The following AMOTL1 variants were observed in gnomAD, a reference collection of about 807,000 sequenced individuals.
AMOTL1 encodes the protein angiomotin-like protein 1.
A neutral mutation model predicts 102.9 loss-of-function variants in AMOTL1; 45 were observed. The observed-to-expected ratio is 0.44, with a 90% confidence interval of 0.34 to 0.56. The LOEUF (loss-of-function observed/expected upper bound fraction) is 0.56, where lower values mean the gene tolerates loss of function less well. AMOTL1 is among the 20% of genes least tolerant of loss of function. The pLI is 0.01. For synonymous variants in AMOTL1, 481 were observed against 484.7 expected (o/e 0.99, Z 0.10); for missense variants, 1,114 against 1,225.6 (o/e 0.91, Z 1.36).
intron 1 of AMOTL1, among the ~76,000 whole-genome samples, chr11:94,783,760 T>C (rs1180721313): frequency 6.6e-6 from 1 of 152,240 alleles, no homozygotes; most frequent in Non-Finnish European, 1.5e-5. Flanking sequence ...GACTTTCAGA[T>C]TTGGGTCTTA....
intron 1 of AMOTL1, among the ~76,000 whole-genome samples, chr11:94,794,137 T>G (rs1166977069): frequency 6.6e-6 from 1 of 152,260 alleles, no homozygotes; most frequent in Non-Finnish European, 1.5e-5. Context: ...AATGGAATTT[T>G]CTTTTGAGCA....
At chr11:94,740,931 C>T (rs1462627731) in intron 2 of AMOTL1, 2 of 1,288,900 alleles carry the variant, frequency 1.6e-6, no homozygotes, top group African/African-American at 3.0e-5. Context: ...CTTTTCTTCT[C>T]CCCCAGACAG....
At chr11:94,753,305 GCTTTT>G (rs1950679865) in intron 3 of AMOTL1, among the ~76,000 whole-genome samples, 1 of 137,466 alleles carries the variant, frequency 7.3e-6, no homozygotes. Context: ...CTGCTTTCCT[GCTTTT>G]TTTTTTTTTT....
intron 9 of AMOTL1, 86 bp downstream of exon 9, chr11:94,859,801 G>A (rs1952739478): frequency 5.0e-6 from 7 of 1,400,046 alleles, no homozygotes; most frequent in Non-Finnish European, 6.6e-6. Context: ...GAGGTCCAAG[G>A]CCCATCCTAG....
upstream of AMOTL1, among the ~76,000 whole-genome samples, chr11:94,763,743 T>A (rs569538348): frequency 6.6e-6 from 1 of 152,196 alleles, no homozygotes; most frequent in South Asian, 2.1e-4. Context: ...TTCATCCTTG[T>A]CATCTTCACA....
At chr11:94,741,084 G>T in intron 3 of AMOTL1, 1 of 1,058,958 alleles carries the variant, frequency 9.4e-7, no homozygotes, top group South Asian at 1.3e-5. Flanking sequence ...CTAGGGATGG[G>T]GCTGGGGTTG....
chr11:94,785,147 A>T (rs898535167), intron 1 of AMOTL1, among the ~76,000 whole-genome samples: 1 of 152,338 alleles, frequency 6.6e-6, no homozygotes, highest in African/African-American at 2.4e-5. Context: ...TCTGCCTCAT[A>T]CATGGAGAGA....
At chr11:94,746,073 G>T (rs532498162) in intron 3 of AMOTL1, among the ~76,000 whole-genome samples, 38 of 152,046 alleles carry the variant, frequency 2.5e-4, no homozygotes, top group Non-Finnish European at 3.7e-4. Context: ...AATAACTATT[G>T]GCTCCTTGGG....
intron 3 of AMOTL1, among the ~76,000 whole-genome samples, chr11:94,814,516 G>T (rs1276220947): frequency 2.6e-5 from 4 of 152,200 alleles, no homozygotes; most frequent in Admixed American, 6.5e-5. Context: ...GTGTAAACGA[G>T]GGAGAAGGAG....
At chr11:94,869,145 A>G in intron 11 of AMOTL1, 53 bp from the exon 12 acceptor site, 1 of 240,744 alleles carries the variant, frequency 4.2e-6, no homozygotes. Context: ...GACTAGATTT[A>G]AAAAAAAAAA....
intron 6 of AMOTL1, among the ~76,000 whole-genome samples, chr11:94,836,807 T>C (rs901337829): frequency 1.3e-5 from 2 of 151,992 alleles, no homozygotes; most frequent in Admixed American, 6.6e-5. Flanking sequence ...AATAGGAGTC[T>C]TTCATTATTA....
chr11:94,743,282 G>A (rs1459031031), intron 3 of AMOTL1, among the ~76,000 whole-genome samples: 1 of 152,232 alleles, frequency 6.6e-6, no homozygotes, highest in African/African-American at 2.4e-5. Context: ...GTGAGGGGCT[G>A]TAAGCCAAAG....
chr11:94,778,874 C>T (rs983059431), intron 1 of AMOTL1, among the ~76,000 whole-genome samples: 2 of 152,172 alleles, frequency 1.3e-5, no homozygotes, highest in African/African-American at 4.8e-5. Context: ...CATGGCTTGG[C>T]TTCCTTATAG....
intron 6 of AMOTL1, among the ~76,000 whole-genome samples, chr11:94,844,206 C>T (rs138414595): frequency 1.2e-4 from 19 of 152,346 alleles, no homozygotes; most frequent in Non-Finnish European, 2.5e-4. Context: ...AGAGAGATAC[C>T]TGACTCTCCA....
intron 3 of AMOTL1, among the ~76,000 whole-genome samples, chr11:94,817,365 T>A (rs1352220814): frequency 6.6e-6 from 1 of 152,194 alleles, no homozygotes; most frequent in Non-Finnish European, 1.5e-5. Flanking sequence ...TCAGTCCTCA[T>A]TAATCTTTTG....
chr11:94,745,064 CT>C (rs536329474), intron 3 of AMOTL1, among the ~76,000 whole-genome samples: 18 of 149,216 alleles, frequency 1.2e-4, no homozygotes, highest in East Asian at 3.9e-4. Context: ...TGCTAACAAA[CT>C]TTTTTTTTTA....
chr11:94,820,707 C>A (rs950078223), intron 3 of AMOTL1, among the ~76,000 whole-genome samples: 5 of 152,122 alleles, frequency 3.3e-5, no homozygotes, highest in African/African-American at 1.2e-4. Flanking sequence ...TCAGTAGGAG[C>A]CCTGAGCTTG....
Position 94,799,901 on chromosome 11 carries a change from C to G in AMOTL1, c.711C>G (p.Asn237Lys), listed in dbSNP as rs1183553651. The change falls in exon 3 of 13, where the codon AAC becomes AAG. Residue 237 changes from asparagine (N) to lysine (K), a missense_variant. Physicochemically the swap from Asn to Lys is moderately conservative, Grantham distance 94 (BLOSUM62 0). Coordinates refer to ENST00000433060, the MANE Select transcript of AMOTL1 (RefSeq NM_130847.3). The surrounding 1 kb of genome is among the most constrained non-coding windows in gnomAD (Gnocchi z 4.5). ...GAACTGAGGGGAGGCCCACTGTGAA[C>G]CGTGCCAACAGTGGACAGGCGCATA... is the stretch of plus-strand genomic sequence containing the variant. Reference protein sequence around the residue: ...KSRTEGRPTVNRANSGQAHKD... With the variant: ...KSRTEGRPTVKRANSGQAHKD... 3 of 1,603,874 alleles carry G rather than the reference C, an allele frequency of 1.9e-6. No individual in the cohort carries two copies.
intron 3 of AMOTL1, among the ~76,000 whole-genome samples, chr11:94,750,025 T>A (rs2135488362): frequency 6.6e-6 from 1 of 152,362 alleles, no homozygotes; most frequent in South Asian, 2.1e-4. Flanking sequence ...ATTCACCTAC[T>A]GTGTCAGGCA....
Sources: allele counts gnomAD v4.1 joint callset (sites outside exome capture counted in the v4.1 genomes callset), GRCh38; gene constraint gnomAD v4.1.1; non-coding constraint Gnocchi (gnomAD v3.1); transcripts MANE v1.5; gene names NCBI Gene and HGNC (gene_info 2026-07-23, HGNC 2026-07-21).